CHODL: variants seen among roughly 807,000 people sequenced by gnomAD.
The protein encoded by CHODL is chondrolectin.
In CHODL, 29 loss-of-function variants were observed where a neutral mutation model predicts 34.5. The observed-to-expected ratio is 0.84, with a 90% CI of 0.63 to 1.15. The LOEUF is 1.15. CHODL is among the 50% of genes most tolerant of loss of function. The pLI is 0.00. For synonymous variants in CHODL, 125 were observed against 116.1 expected, an observed-to-expected ratio of 1.08 and a Z score of -0.49; for missense variants, 332 against 332.5, an observed-to-expected ratio of 1.00 and a Z score of 0.01.
chr21:18,052,473 A>T (rs1600941278), intron 2 of CHODL, among the ~76,000 whole-genome samples: 1 of 151,968 alleles, frequency 6.6e-6, no homozygotes, highest in East Asian at 1.9e-4. Context: ...CTTTTGTTAA[A>T]TAACAAAACA....
At chr21:18,059,995 T>A (rs188272935) in intron 2 of CHODL, among the ~76,000 whole-genome samples, 15 of 152,256 alleles carry the variant, frequency 9.9e-5, no homozygotes, top group African/African-American at 2.9e-4. Flanking sequence ...ATCTTTTACT[T>A]TCTTAAGATT....
chr21:18,079,366 A>G (rs2064906787), intron 2 of CHODL, among the ~76,000 whole-genome samples: 3 of 149,574 alleles, frequency 2.0e-5, no homozygotes, highest in Non-Finnish European at 4.4e-5. Context: ...AATATTATAT[A>G]TATATCACAG....
intron 2 of CHODL, among the ~76,000 whole-genome samples, chr21:18,151,574 GT>G (rs2072969762): frequency 6.6e-6 from 1 of 152,168 alleles, no homozygotes; most frequent in Non-Finnish European, 1.5e-5. Flanking sequence ...CAAAAAACGG[GT>G]CATGAGAACT....
At chr21:17,975,708 C>T (rs1188902493) in intron 1 of CHODL, among the ~76,000 whole-genome samples, 1 of 152,156 alleles carries the variant, frequency 6.6e-6, no homozygotes, top group Non-Finnish European at 1.5e-5. Context: ...CCTTCAAGGA[C>T]TGCTGTCCTC....
intron 2 of CHODL, among the ~76,000 whole-genome samples, chr21:18,149,039 C>A (rs961486150): frequency 6.6e-6 from 1 of 152,060 alleles, no homozygotes; most frequent in Non-Finnish European, 1.5e-5. Flanking sequence ...TTTTCCCTTG[C>A]TGAACATTCT....
At chr21:17,982,470 G>A (rs1179912513) in intron 1 of CHODL, among the ~76,000 whole-genome samples, 1 of 151,952 alleles carries the variant, frequency 6.6e-6, no homozygotes, top group Non-Finnish European at 1.5e-5. Context: ...GCATAATATT[G>A]AGAAGTGATA....
intron 2 of CHODL, among the ~76,000 whole-genome samples, chr21:18,104,221 C>T (rs957114887): frequency 3.9e-5 from 6 of 152,124 alleles, no homozygotes; most frequent in African/African-American, 1.4e-4. Context: ...ACCCAAATCT[C>T]ATCTTGAATT....
intron 4 of CHODL, among the ~76,000 whole-genome samples, chr21:18,261,623 C>A (rs763781735): frequency 2.0e-5 from 3 of 151,974 alleles, no homozygotes; most frequent in African/African-American, 4.8e-5. Context: ...GCCAAGATTG[C>A]GCCATGCACT....
In CHODL at chr21:18,152,155, T is replaced by C. The variant is rs187355547; in HGVS notation, c.-44-104354T>C. The stretch of plus-strand genomic sequence containing the variant: ...CAATTCATTGAACAGAGAAATGTTA[T>C]ATAATATGCAGAAGCACAAAGCCAA... On this transcript the variant is annotated intron_variant, in intron 2 of 6. Transcript: ENST00000400127. 2.0e-5 allele frequency among the ~76,000 whole-genome samples: 3 copies of C among 152,286 alleles called. No homozygotes were observed. The East Asian group carries it at 5.8e-4, about 29-fold the overall frequency.
chr21:17,989,723 A>G (rs1467514392), intron 1 of CHODL, among the ~76,000 whole-genome samples: 1 of 152,166 alleles, frequency 6.6e-6, no homozygotes, highest in South Asian at 2.1e-4. Flanking sequence ...CCATGTTTCA[A>G]TTAATGCAAG....
At chr21:18,021,590 G>A (rs1176062072) in intron 1 of CHODL, among the ~76,000 whole-genome samples, 1 of 152,162 alleles carries the variant, frequency 6.6e-6, no homozygotes, top group African/African-American at 2.4e-5. Flanking sequence ...TTGATCATCA[G>A]CGATATCAAC....
intron 2 of CHODL, among the ~76,000 whole-genome samples, chr21:18,029,300 A>G (rs888509601): frequency 6.6e-6 from 1 of 152,164 alleles, no homozygotes; most frequent in Admixed American, 6.6e-5. Context: ...ACTTTAATTT[A>G]TGGCATTAGA....
chr21:18,145,552 T>C (rs2072873193), intron 2 of CHODL, among the ~76,000 whole-genome samples: 1 of 152,048 alleles, frequency 6.6e-6, no homozygotes, highest in South Asian at 2.1e-4. Context: ...AATGCTTGCT[T>C]ATATAGCATA....
intron 2 of CHODL, among the ~76,000 whole-genome samples, chr21:18,192,677 C>T (rs1188374189): frequency 1.3e-5 from 2 of 151,970 alleles, no homozygotes; most frequent in African/African-American, 4.8e-5. Context: ...GTTTGTATTG[C>T]TTTGGCTAAA....
At chr21:18,169,790 A>C (rs1011915859) in intron 2 of CHODL, among the ~76,000 whole-genome samples, 1 of 151,928 alleles carries the variant, frequency 6.6e-6, no homozygotes, top group African/African-American at 2.4e-5. Context: ...TATTCCATAA[A>C]TTTTGCTAGA....
intron 2 of CHODL, among the ~76,000 whole-genome samples, chr21:18,191,281 A>C (rs577041663): frequency 1.3e-5 from 2 of 152,146 alleles, no homozygotes; most frequent in Non-Finnish European, 2.9e-5. Context: ...CAGAGGTCTG[A>C]AAAGTAAGTG....
chr21:17,994,642 C>A (rs2063830750), intron 1 of CHODL, among the ~76,000 whole-genome samples: 1 of 152,128 alleles, frequency 6.6e-6, no homozygotes, highest in Non-Finnish European at 1.5e-5. Flanking sequence ...GTAGTCAGGG[C>A]AGCTTGATTT....
chr21:17,924,889 T>TA (rs888021761), intron 1 of CHODL, among the ~76,000 whole-genome samples: 1 of 152,116 alleles, frequency 6.6e-6, no homozygotes, highest in Non-Finnish European at 1.5e-5. Flanking sequence ...CTGGCTCTGT[T>TA]AAAAAAATGC....
chr21:18,203,853 G>A (rs1269489455), intron 2 of CHODL, among the ~76,000 whole-genome samples: 3 of 152,088 alleles, frequency 2.0e-5, no homozygotes, highest in African/African-American at 7.2e-5. Context: ...CCAAAGCAAA[G>A]GTAAGCAAAT....
Sources: allele counts gnomAD v4.1 joint callset (sites outside exome capture counted in the v4.1 genomes callset), GRCh38; gene constraint gnomAD v4.1.1; transcripts MANE v1.5; gene names NCBI Gene and HGNC (gene_info 2026-07-23, HGNC 2026-07-21).